KLHL29: variants seen among roughly 807,000 people sequenced by gnomAD.
KLHL29 encodes the protein kelch like family member 29.
A neutral mutation model predicts 80.4 loss-of-function variants in KLHL29; 21 were observed. The ratio of observed to expected loss-of-function variants is 0.26; its 90% CI spans 0.19 to 0.38. The LOEUF is 0.38. Ranked by LOEUF, KLHL29 falls within the 10% of genes least tolerant of loss-of-function variation. KLHL29 has a pLI of 1.00. For synonymous variants in KLHL29, 511 were observed against 526.8 expected, an observed-to-expected ratio of 0.97 and a Z score of 0.41; for missense variants, 867 against 1,223.9, an observed-to-expected ratio of 0.71 and a Z score of 4.35.
chr2:23,431,577 T>C (rs1046457913), intron 1 of KLHL29, among the ~76,000 whole-genome samples: 2 of 151,176 alleles, frequency 1.3e-5, no homozygotes, highest in African/African-American at 4.9e-5. Context: ...CATTTCAATT[T>C]CATTCTTTTT....
Position 23,639,179 on chromosome 2 carries a change from T to C in KLHL29, c.326T>C (p.Leu109Pro), listed in dbSNP as rs780690408. The part of the protein sequence containing the change: ...ISKGDSQSQG[L>P]ATSIRWGQTP... Reference sequence around the variant, plus strand: ...AAAGGGGACAGTCAGTCCCAGGGACTGGCGACCAGCATCCGGTGGGGGCAG... The same window carrying C: ...AAAGGGGACAGTCAGTCCCAGGGACCGGCGACCAGCATCCGGTGGGGGCAG... Residue 109 changes from leucine to proline, a missense_variant, in exon 4 of 14, where the codon CTG becomes CCG. Around this residue, in one of 2 missense-constraint regions of KLHL29, gnomAD observed 424 missense variants for 456.9 expected, o/e 0.93. Transcript: ENST00000486442. The C allele has an allele frequency of 6.5e-7, 1 of 1,545,878 alleles. No homozygotes were observed. Among genetic ancestry groups the C allele is most frequent in the Non-Finnish European group, 8.7e-7 (1 of 1,144,760 alleles).
intron 7 of KLHL29, 65 bp downstream of exon 7, chr2:23,691,941 A>C: frequency 6.8e-7 from 1 of 1,468,340 alleles, no homozygotes; most frequent in Non-Finnish European, 9.2e-7. Context: ...AACTCCATAA[A>C]CAGCAAGGAC....
intron 1 of KLHL29, among the ~76,000 whole-genome samples, chr2:23,462,023 T>G (rs1664225197): frequency 2.0e-5 from 3 of 148,728 alleles, no homozygotes; most frequent in Admixed American, 2.0e-4. Flanking sequence ...TCCACCAACC[T>G]AATAGAAGGG....
At chr2:23,413,404 G>A (rs1666911328) in intron 1 of KLHL29, among the ~76,000 whole-genome samples, 1 of 152,156 alleles carries the variant, frequency 6.6e-6, no homozygotes, top group Non-Finnish European at 1.5e-5. Context: ...GGACACGGGT[G>A]TCACCATATG....
intron 5 of KLHL29, among the ~76,000 whole-genome samples, chr2:23,664,975 G>T (rs547861292): frequency 3.3e-5 from 5 of 152,236 alleles, no homozygotes; most frequent in Admixed American, 1.3e-4. Flanking sequence ...GGTAATTAAA[G>T]AATAAAATTG....
Position 23,622,640 on chromosome 2 carries a change from A to G in KLHL29, c.286-16499A>G, listed in dbSNP as rs552450205. On this transcript the variant is annotated intron_variant, in intron 3 of 13. Transcript: ENST00000486442. Reference sequence around the variant, plus strand: ...CAGTGCAGGGCTTCCCCTGCCTGGAATGCTCAGTCTTTCCTTCACAGCCCA... The same window carrying G: ...CAGTGCAGGGCTTCCCCTGCCTGGAGTGCTCAGTCTTTCCTTCACAGCCCA... Among the ~76,000 whole-genome samples, 148 of 152,258 alleles carry G rather than the reference A, an allele frequency of 9.7e-4. 2 individuals are homozygous for G. The South Asian group carries it at 0.03, about 31-fold the overall frequency.
chr2:23,662,888 A>G (rs1314420820), intron 5 of KLHL29, among the ~76,000 whole-genome samples: 1 of 152,208 alleles, frequency 6.6e-6, no homozygotes, highest in Non-Finnish European at 1.5e-5. Flanking sequence ...TGAAAGCCGT[A>G]AATGCAAGGC....
intron 3 of KLHL29, among the ~76,000 whole-genome samples, chr2:23,568,047 AATTGAAAAATGTCATG>A (rs1485541828): frequency 6.6e-6 from 1 of 152,210 alleles, no homozygotes; most frequent in Non-Finnish European, 1.5e-5. Context: ...GTGTGTACAA[AATTGAAAAATGTCATG>A]ATTTTCAAAG....
chr2:23,427,228 T>C (rs944599609), intron 1 of KLHL29, among the ~76,000 whole-genome samples: 2 of 152,200 alleles, frequency 1.3e-5, no homozygotes, highest in Admixed American at 6.5e-5. Flanking sequence ...TTGATCATTC[T>C]GGGCTGAATA....
intron 2 of KLHL29, among the ~76,000 whole-genome samples, chr2:23,542,918 T>A (rs72793553): frequency 0.076 from 11,613 of 152,318 alleles, 497 homozygotes; most frequent in South Asian, 0.11. Flanking sequence ...CCCAACTGTC[T>A]GAGCTTCTGC....
chr2:23,683,271 C>T (rs1671142851), intron 5 of KLHL29, among the ~76,000 whole-genome samples: 1 of 152,238 alleles, frequency 6.6e-6, no homozygotes, highest in Non-Finnish European at 1.5e-5. Context: ...CTCTCCCACA[C>T]ACCTGCCAAG....
chr2:23,400,558 G>A (rs534134216), intron 1 of KLHL29, among the ~76,000 whole-genome samples: 26 of 152,166 alleles, frequency 1.7e-4, no homozygotes, highest in African/African-American at 6.0e-4. Context: ...GCTGGGCACC[G>A]TGGCTCACAC....
Position 23,696,415 on chromosome 2 carries a change from GAC to G in KLHL29, c.2009_2010del (p.Thr670SerfsTer8), listed in dbSNP as rs1262472516. On this transcript the variant is annotated frameshift_variant, in exon 11 of 14. Transcript: ENST00000486442. LOFTEE classifies it high-confidence loss of function. The surrounding 1 kb of genome is among the most constrained non-coding windows in gnomAD (Gnocchi z 5.5). ...LDNWNLVSRMTVPRCRHNSLV... is the reference protein window; with the variant it reads ...LDNWNLVSRMXVPRCRHNSLV... ...ATAACTGGAACCTCGTCTCCAGAAT[GAC>G]AGTCCCCCGCTGTCGGCACAATAGC... The G allele has an allele frequency of 6.4e-7, 1 of 1,551,614 alleles. No individual in the cohort carries two copies.
intron 13 of KLHL29, 98 bp from the exon 14 acceptor site, chr2:23,706,383 G>A: frequency 2.1e-6 from 2 of 949,518 alleles, no homozygotes; most frequent in South Asian, 2.6e-5. Context: ...TCTGCAAAAG[G>A]CACAGGCAGC....
chr2:23,464,371 C>A (rs1489535381), intron 1 of KLHL29, among the ~76,000 whole-genome samples: 1 of 152,176 alleles, frequency 6.6e-6, no homozygotes, highest in African/African-American at 2.4e-5. Context: ...CAGCTTTCAG[C>A]CCATGATAAA....
At chr2:23,490,857 C>G (rs1037663641) in intron 2 of KLHL29, among the ~76,000 whole-genome samples, 3 of 152,220 alleles carry the variant, frequency 2.0e-5, no homozygotes, top group Non-Finnish European at 2.9e-5. Flanking sequence ...AACGGGCAGC[C>G]CTGGGCCCAT....
intron 6 of KLHL29, chr2:23,690,283 C>T (rs906479245): frequency 2.0e-5 from 3 of 152,256 alleles, no homozygotes; most frequent in African/African-American, 7.2e-5. Context: ...CAGACCTCAT[C>T]TAGTTCCATC....
intron 2 of KLHL29, among the ~76,000 whole-genome samples, chr2:23,509,972 A>G (rs1665719692): frequency 6.6e-6 from 1 of 152,216 alleles, no homozygotes; most frequent in South Asian, 2.1e-4. Context: ...TATTTGATTT[A>G]TATTCCAAAA....
Position 23,654,700 on chromosome 2 carries a change from G to GC in KLHL29, c.940+11850_940+11851insC, listed in dbSNP as rs1558426032. 4.2e-5 allele frequency among the ~76,000 whole-genome samples: 5 copies of GC among 117,832 alleles called. No homozygotes were observed. The East Asian group carries it at 1.2e-3, about 29-fold the overall frequency. The allele number at this position is 117,832 out of a possible 152,430, so 77.3% of individuals were successfully genotyped here. A position where few individuals can be genotyped will look rare whatever the true frequency, so the allele number is the denominator to read the frequency against. ...CTTCCAGAAGGGAACAGAGGTTGGG[G>GC]GGGGGGGGTGGATGTTTTGTATGTG... On this transcript the variant is annotated intron_variant, in intron 5 of 13. Coordinates refer to ENST00000486442, the MANE Select transcript of KLHL29 (RefSeq NM_052920.2).
Sources: gnomAD v4.1 joint callset for allele counts (sites outside exome capture counted in the v4.1 genomes callset) on GRCh38, gnomAD v4.1.1 for gene constraint, gnomAD v4.1.1 regional missense constraint, Gnocchi (gnomAD v3.1) non-coding constraint, MANE v1.5 for transcripts, NCBI Gene and HGNC (gene_info 2026-07-23, HGNC 2026-07-21) for gene names.